C5: variants seen among roughly 807,000 people sequenced by gnomAD.
C5 encodes the protein C3 and PZP-like alpha-2-macroglobulin domain-containing protein 4.
A neutral mutation model predicts 218.8 loss-of-function variants in C5; 140 were observed. The ratio of observed to expected loss-of-function variants is 0.64; its 90% CI spans 0.56 to 0.74. The LOEUF (loss-of-function observed/expected upper bound fraction) is 0.74. Ranked by LOEUF, C5 falls within the 30% of genes least tolerant of loss-of-function variation. The probability of loss-of-function intolerance (pLI) is 0.00; values close to 1 mark genes in which losing one functional copy is unlikely to be tolerated. For missense variants in C5, 1,700 were observed against 1,969.6 expected, an observed-to-expected ratio of 0.86 and a Z score of 2.59; for synonymous variants, 614 against 682.3, an observed-to-expected ratio of 0.90 and a Z score of 1.56.
chr9:121,060,909 C>T, the C5 span, among the ~76,000 whole-genome samples: 2 of 152,114 alleles, frequency 1.3e-5, no homozygotes, highest in Non-Finnish European at 2.9e-5. Flanking sequence ...AGAATCAGGT[C>T]GGGCGAAGTG....
At chr9:120,954,413 C>T (rs749704418) in intron 39 of C5, among the ~76,000 whole-genome samples, 3 of 152,236 alleles carry the variant, frequency 2.0e-5, no homozygotes, top group Non-Finnish European at 4.4e-5. Context: ...TCAAAGAACT[C>T]ACAAGTAGCC....
the C5 span, among the ~76,000 whole-genome samples, chr9:121,066,311 TAA>T: frequency 0.021 from 1,325 of 64,240 alleles, 15 homozygotes; most frequent in African/African-American, 0.053. Flanking sequence ...GACTCCATCT[TAA>T]AAAAAAAAAA....
At chr9:121,031,387 T>A (rs1004680357) in intron 6 of C5, among the ~76,000 whole-genome samples, 4 of 152,208 alleles carry the variant, frequency 2.6e-5, no homozygotes, top group Admixed American at 6.5e-5. Context: ...ATTGTTGTTT[T>A]TGTTTTGTCA....
At position 120,997,798 on chromosome 9, in the gene C5, A is replaced by G. The variant is rs1359386188; in HGVS notation, c.2563-24T>C. 13 of 1,581,152 alleles carry G rather than the reference A, an allele frequency of 8.2e-6. No homozygotes were observed. In the South Asian group the frequency reaches 1.5e-4, roughly 18 times the overall value. The stretch of plus-strand genomic sequence containing the variant: ...AACTGAAATACAAGTGAAGAATTAT[A>G]TCAAAATACATTTTTTTTTTTTGAG... On this transcript the variant is annotated intron_variant, in intron 20 of 40. Transcript: ENST00000223642.
intron 4 of C5, among the ~76,000 whole-genome samples, chr9:121,036,562 T>C (rs1326995039): frequency 2.0e-5 from 3 of 152,104 alleles, no homozygotes; most frequent in African/African-American, 7.2e-5. Context: ...ATCAGTTTAT[T>C]TACTAGCTTC....
the C5 span, chr9:121,074,691 A>G: frequency 7.3e-6 from 3 of 413,512 alleles, no homozygotes; most frequent in Non-Finnish European, 1.5e-5. Context: ...CGAAGGCCAC[A>G]GCACTGCGGG....
Position 120,959,167 on chromosome 9 carries a change from T to C in C5, c.4678+1081A>G, listed in dbSNP as rs539342708. Among the ~76,000 whole-genome samples the C allele has an allele frequency of 2.4e-4, 36 of 152,296 alleles. No individual in the cohort carries two copies. The East Asian group carries it at 5.6e-3, about 24-fold the overall frequency. On this transcript the variant is annotated intron_variant, in intron 38 of 40. Coordinates refer to ENST00000223642, the MANE Select transcript of C5 (RefSeq NM_001735.3). ...AATGAGAAACTGTTTATGGAAGCTG[T>C]TGCTAAACACAAAGTACCAAATTGG...
At chr9:120,959,252 CTTTCTTTCTTTCTTT>C (rs1376670981) in intron 38 of C5, among the ~76,000 whole-genome samples, 19 of 124,032 alleles carry the variant, frequency 1.5e-4, no homozygotes, top group Non-Finnish European at 2.3e-4. Flanking sequence ...TTCTTTCTTT[CTTTCTTTCTTTCTTT>C]TTTTTTTTGA....
chr9:121,030,572 A>T (rs192295357), intron 6 of C5, 85 bp from the exon 7 acceptor site: 19 of 729,840 alleles, frequency 2.6e-5, no homozygotes, highest in Non-Finnish European at 4.0e-5. Context: ...TTTCTGGTAT[A>T]GTTGGACAAG....
chr9:121,051,343 C>T (rs1462852021), upstream of C5, among the ~76,000 whole-genome samples: 3 of 151,864 alleles, frequency 2.0e-5, no homozygotes, highest in Non-Finnish European at 2.9e-5. Context: ...AGGCTGGTCT[C>T]GAACTCCTGA....
chr9:121,059,155 C>T, the C5 span, among the ~76,000 whole-genome samples: 6 of 152,194 alleles, frequency 3.9e-5, no homozygotes, highest in African/African-American at 9.7e-5. This position sits in a 1 kb window ranked among gnomAD's most constrained non-coding sequence, Gnocchi z 4.1. Flanking sequence ...GTCACCAAAG[C>T]AGTGGGTTGG....
Position 120,993,106 on chromosome 9 carries a change from G to A in C5, c.2852-1826C>T, listed in dbSNP as rs1219696277. On this transcript the variant is annotated intron_variant, in intron 22 of 40. Coordinates refer to ENST00000223642, the MANE Select transcript of C5 (RefSeq NM_001735.3). ...GAAGAATCCAAATTAAAACAATAAT[G>A]AGATAGTGCTTTATACCCATTAAAA... Among the ~76,000 whole-genome samples the A allele has an allele frequency of 2.0e-5, 3 of 152,186 alleles. No individual in the cohort carries two copies. In the East Asian group the frequency reaches 5.8e-4, roughly 29 times the overall value.
intron 4 of C5, among the ~76,000 whole-genome samples, chr9:121,035,528 A>C (rs2047516869): frequency 6.6e-6 from 1 of 152,146 alleles, no homozygotes; most frequent in South Asian, 2.1e-4. Context: ...GCCTTAACTC[A>C]ACACATAAAC....
At chr9:121,013,799 C>A in intron 17 of C5, 74 bp downstream of exon 17, 1 of 1,258,118 alleles carries the variant, frequency 7.9e-7, no homozygotes, top group Non-Finnish European at 1.2e-6. Flanking sequence ...ATGAAAACTG[C>A]CTTTCTTAGC....
chr9:121,011,619 G>A (rs1436911474), intron 17 of C5, among the ~76,000 whole-genome samples: 4 of 152,166 alleles, frequency 2.6e-5, no homozygotes, highest in Non-Finnish European at 5.9e-5. Flanking sequence ...CAATCCCACT[G>A]CTGGGTATAT....
chr9:121,039,540 G>A (rs997269880), intron 3 of C5, among the ~76,000 whole-genome samples: 2 of 152,154 alleles, frequency 1.3e-5, no homozygotes, highest in African/African-American at 4.8e-5. Flanking sequence ...GGGATGCTGA[G>A]GCTGGAGAAT....
intron 29 of C5, among the ~76,000 whole-genome samples, chr9:120,976,204 C>T (rs191945452): frequency 8.5e-5 from 13 of 152,166 alleles, no homozygotes; most frequent in Admixed American, 4.6e-4. Context: ...ATGTATTATA[C>T]GACTACATAA....
intron 3 of C5, among the ~76,000 whole-genome samples, chr9:121,040,617 T>C (rs1214622187): frequency 2.0e-5 from 3 of 152,234 alleles, no homozygotes; most frequent in Non-Finnish European, 4.4e-5. Context: ...GAAAACACTT[T>C]CCTAGTGCTT....
chr9:121,033,906 C>T lies in C5; in HGVS notation c.584+897G>A, dbSNP rs530740262. Among the ~76,000 whole-genome samples the T allele has an allele frequency of 5.0e-3, 442 of 88,226 alleles. 2 individuals are homozygous for T. Among genetic ancestry groups the T allele is most frequent in the African/African-American group, 0.027 (412 of 15,018 alleles). 57.9% of individuals were successfully genotyped at this position (88,226 alleles called of 152,430 possible). A position where few individuals can be genotyped will look rare whatever the true frequency, so the allele number is the denominator to read the frequency against. On this transcript the variant is annotated intron_variant, in intron 5 of 40. Transcript: ENST00000223642. ...CCTCCCTCCCCTCCCTCTTTCTTTC[C>T]TTCCTTCCTTCCTTCCTTCTTCTTT...
Sources: gnomAD v4.1 joint callset for allele counts (sites outside exome capture counted in the v4.1 genomes callset) on GRCh38, gnomAD v4.1.1 for gene constraint, Gnocchi (gnomAD v3.1) non-coding constraint, MANE v1.5 for transcripts, NCBI Gene and HGNC (gene_info 2026-07-23, HGNC 2026-07-21) for gene names.